Variants in ZFYVE9 observed in about 807,000 individuals in gnomAD.
The protein encoded by ZFYVE9 is zinc finger FYVE-type containing 9.
In ZFYVE9, 43 loss-of-function variants were observed where a neutral mutation model predicts 126.7. The ratio of observed to expected loss-of-function variants is 0.34; its 90% confidence interval spans 0.27 to 0.44. ZFYVE9 has a LOEUF of 0.44. ZFYVE9 is among the 20% of genes least tolerant of loss of function. The pLI is 1.00. For synonymous variants in ZFYVE9, 521 were observed against 597.4 expected (o/e 0.87, Z 1.87); for missense variants, 1,476 against 1,697.0 (o/e 0.87, Z 2.29).
chr1:52,201,760 T>A (rs191060546), intron 1 of ZFYVE9, among the ~76,000 whole-genome samples: 2,863 of 150,322 alleles, frequency 0.019, 127 homozygotes, highest in African/African-American at 0.065. Flanking sequence ...AAGCAATTTT[T>A]AAAAAAAAAA....
chr1:52,252,907 AAAC>A (rs1263135566), intron 4 of ZFYVE9: 1 of 163,540 alleles, frequency 6.1e-6, no homozygotes, highest in African/African-American at 2.4e-5. Context: ...TAATTTTTTT[AAAC>A]AAGAGGATTA....
chr1:52,144,354 C>T (rs527533163), intron 1 of ZFYVE9, among the ~76,000 whole-genome samples: 4 of 152,086 alleles, frequency 2.6e-5, no homozygotes, highest in African/African-American at 9.6e-5. Context: ...CAGTGTGTCC[C>T]TCAAGACCAC....
intron 1 of ZFYVE9, among the ~76,000 whole-genome samples, chr1:52,170,538 C>G (rs1206470439): frequency 1.3e-5 from 2 of 151,792 alleles, no homozygotes; most frequent in Non-Finnish European, 2.9e-5. Context: ...TTGGTTTGCT[C>G]TTGCTTTTCT....
Position 52,263,768 on chromosome 1 carries a change from C to CCCCA in ZFYVE9, c.2179-5_2179-4insCCCA. 1 of 1,203,956 alleles carries CCCCA rather than the reference C, an allele frequency of 8.3e-7. No homozygotes were observed. The allele number at this position is 1,203,956 out of a possible 1,614,324, so 74.6% of individuals were successfully genotyped here. On this transcript the variant is annotated splice_polypyrimidine_tract_variant and splice_region_variant and intron_variant, in intron 4 of 18. Coordinates refer to ENST00000287727, the MANE Select transcript of ZFYVE9 (RefSeq NM_004799.4). ...TGTGTGTTCTTCCCCCCCCCCCCCC[C>CCCCA]ACAGGTTTTCTGTGCTTCCTGCTGT...
At chr1:52,277,224 A>T (rs929499223) in intron 8 of ZFYVE9, among the ~76,000 whole-genome samples, 1 of 149,552 alleles carries the variant, frequency 6.7e-6, no homozygotes, top group African/African-American at 2.5e-5. Flanking sequence ...TGTTAGTAAA[A>T]TTATCTATTG....
In ZFYVE9 at chr1:52,237,923, GTAA is replaced by G. The variant is rs1645290323; in HGVS notation, c.511_513del (p.Asn171del). 1 of 1,613,858 alleles carries G rather than the reference GTAA, an allele frequency of 6.2e-7. No homozygotes were observed. Among genetic ancestry groups the G allele is most frequent in the African/African-American group, 1.3e-5 (1 of 74,910 alleles). ...ACATTACAAAACGATTTACAGGATT[GTAA>G]TAATTATAATAGTCAATCCCTTATG... is the stretch of plus-strand genomic sequence containing the variant. On this transcript the variant is annotated inframe_deletion, in exon 4 of 19. Transcript: ENST00000287727.
chr1:52,254,037 T>G, intron 4 of ZFYVE9: 2 of 758,210 alleles, frequency 2.6e-6, no homozygotes, highest in Non-Finnish European at 4.7e-6. Flanking sequence ...TGATACAGAT[T>G]GCTGTTCTAG....
intron 1 of ZFYVE9, among the ~76,000 whole-genome samples, chr1:52,182,689 T>C (rs527523930): frequency 1.9e-4 from 29 of 152,070 alleles, no homozygotes; most frequent in African/African-American, 6.3e-4. Flanking sequence ...TTCCCTCCAC[T>C]ATTGTCCTGT....
intron 3 of ZFYVE9, among the ~76,000 whole-genome samples, chr1:52,233,874 T>G (rs1645247930): frequency 6.6e-6 from 1 of 152,170 alleles, no homozygotes; most frequent in Non-Finnish European, 1.5e-5. Flanking sequence ...TCTGCCTCCC[T>G]GGCTGAAGTG....
intron 2 of ZFYVE9, among the ~76,000 whole-genome samples, chr1:52,221,825 G>C (rs1337026239): frequency 6.6e-6 from 1 of 152,192 alleles, no homozygotes; most frequent in Non-Finnish European, 1.5e-5. Context: ...TCTTCTACCT[G>C]TTGGATCTCT....
chr1:52,241,893 C>T (rs1378972782), intron 4 of ZFYVE9, among the ~76,000 whole-genome samples: 2 of 152,030 alleles, frequency 1.3e-5, no homozygotes, highest in East Asian at 1.9e-4. Flanking sequence ...ATTAAGCATA[C>T]GTAGTAATTA....
intron 4 of ZFYVE9, among the ~76,000 whole-genome samples, chr1:52,240,198 TA>T (rs1301779427): frequency 6.6e-6 from 1 of 152,188 alleles, no homozygotes; most frequent in African/African-American, 2.4e-5. Context: ...TGATATTCCT[TA>T]GCTCTCCCCA....
In ZFYVE9 at chr1:52,237,799, G is replaced by A; in HGVS notation, c.382G>A (p.Ala128Thr). The change falls in exon 4 of 19, where the codon GCT (alanine) becomes ACT (threonine). Residue 128 changes from alanine to threonine, a missense_variant. Coordinates refer to ENST00000287727, the MANE Select transcript of ZFYVE9 (RefSeq NM_004799.4). ...CTATAGTTGGGATGATCAATGCAGT[G>A]CTGTTGAAGTGGGAGAGAAGAAATG... is the stretch of plus-strand genomic sequence containing the variant. ...RNYSWDDQCS[A>T]VEVGEKKCGN... The A allele has an allele frequency of 6.2e-7, 1 of 1,614,120 alleles. No homozygotes were observed. The highest frequency in any genetic ancestry group is 8.5e-7 in the Non-Finnish European group (1 of 1,179,974).
At chr1:52,310,368 A>G (rs1460348180) in intron 13 of ZFYVE9, among the ~76,000 whole-genome samples, 1 of 152,190 alleles carries the variant, frequency 6.6e-6, no homozygotes, top group African/African-American at 2.4e-5. Context: ...CACTAACTCT[A>G]TGACATGAGT....
chr1:52,306,879 C>T (rs1646089995), intron 13 of ZFYVE9, among the ~76,000 whole-genome samples: 1 of 152,190 alleles, frequency 6.6e-6, no homozygotes, highest in African/African-American at 2.4e-5. Flanking sequence ...GTGCAGTGGC[C>T]GGAACCCACG....
At chr1:52,226,635 T>C (rs1645173108) in intron 2 of ZFYVE9, among the ~76,000 whole-genome samples, 1 of 152,240 alleles carries the variant, frequency 6.6e-6, no homozygotes, top group Non-Finnish European at 1.5e-5. Context: ...TGATTTCTTC[T>C]TAACTCCTGT....
intron 3 of ZFYVE9, among the ~76,000 whole-genome samples, chr1:52,234,532 C>G (rs1266319181): frequency 1.3e-5 from 2 of 152,164 alleles, no homozygotes; most frequent in African/African-American, 4.8e-5. Flanking sequence ...TCGGGCTATT[C>G]TTTGATAGCA....
At chr1:52,329,820 G>C (rs894105717) in intron 13 of ZFYVE9, among the ~76,000 whole-genome samples, 2 of 151,544 alleles carry the variant, frequency 1.3e-5, no homozygotes. Flanking sequence ...CAGGAGAATG[G>C]CGTGAACCTG....
At chr1:52,211,957 A>C (rs559238055) in intron 1 of ZFYVE9, among the ~76,000 whole-genome samples, 60 of 152,154 alleles carry the variant, frequency 3.9e-4, no homozygotes, top group African/African-American at 1.3e-3. Flanking sequence ...ACCTTTCCTT[A>C]TAAGTTTATG....
Sources: gnomAD v4.1 joint callset for allele counts (sites outside exome capture counted in the v4.1 genomes callset) on GRCh38, gnomAD v4.1.1 for gene constraint, MANE v1.5 for transcripts, NCBI Gene and HGNC (gene_info 2026-07-23, HGNC 2026-07-21) for gene names.